LRRK1: variants seen among roughly 807,000 people sequenced by gnomAD.
The protein encoded by LRRK1 is leucine-rich repeat serine/threonine-protein kinase 1.
In LRRK1, 113 loss-of-function variants were observed where a neutral mutation model predicts 209.1. The ratio of observed to expected loss-of-function variants is 0.54; its 90% CI spans 0.46 to 0.63. The LOEUF (loss-of-function observed/expected upper bound fraction) is 0.63. Among genes scored for constraint, LRRK1 ranks in the 30% least tolerant of loss-of-function variants. The pLI, the probability that LRRK1 is intolerant of heterozygous loss-of-function variation, is 0.00. For synonymous variants in LRRK1, 1,144 were observed against 1,099.7 expected (o/e 1.04, Z -0.80); for missense variants, 2,284 against 2,632.2 (o/e 0.87, Z 2.89).
At position 101,048,578 on chromosome 15, in the gene LRRK1, A is replaced by G. The variant is rs2035216151; in HGVS notation, c.3220A>G (p.Ser1074Gly). ...SFTGNQRNRC[S>G]TFRVKRNQTI... The stretch of plus-strand genomic sequence containing the variant: ...TACAGGAAACCAGAGAAATCGCTGT[A>G]GCACATTCAGAGTGAAAAGAAATCA... Residue 1074 changes from serine to glycine, a missense_variant, in exon 22 of 34, where the codon AGC becomes GGC. Ser to Gly is a moderately conservative substitution (Grantham distance 56). Transcript: ENST00000388948. The G allele has an allele frequency of 3.2e-6, 5 of 1,584,418 alleles. No individual in the cohort carries two copies. The South Asian group carries it at 3.5e-5, about 11-fold the overall frequency.
In LRRK1 at chr15:101,028,979, G is replaced by A. The variant is rs2034162012; in HGVS notation, c.2710G>A (p.Gly904Ser). The change falls in exon 20 of 34, where the codon GGC becomes AGC. Residue 904 changes from glycine (G) to serine (S), a missense_variant. Around this residue, in one of 6 missense-constraint regions of LRRK1, gnomAD observed 780 missense variants for 985.2 expected, o/e 0.79. Coordinates refer to ENST00000388948, the MANE Select transcript of LRRK1 (RefSeq NM_024652.6). ...AGCCATCAGCTTCCTCATAGAAACC[G>A]GCACCCTGCTCCATTTCCCGGACAC... ...QSAISFLIET[G>S]TLLHFPDTSH... The A allele has an allele frequency of 1.9e-6, 3 of 1,613,916 alleles. No individual in the cohort carries two copies. Among genetic ancestry groups the A allele is most frequent in the Non-Finnish European group, 1.7e-6 (2 of 1,179,956 alleles).
intron 23 of LRRK1, 78 bp from the exon 24 acceptor site, chr15:101,051,633 T>TGGG: frequency 1.0e-5 from 16 of 1,529,676 alleles, no homozygotes; most frequent in Non-Finnish European, 1.4e-5. Flanking sequence ...CCTCAGGGCC[T>TGGG]GGGGTGCAGA....
At chr15:101,025,323 C>G (rs979795892) in intron 16 of LRRK1, among the ~76,000 whole-genome samples, 3 of 152,198 alleles carry the variant, frequency 2.0e-5, no homozygotes, top group Admixed American at 2.0e-4. Flanking sequence ...TCAGCACCCT[C>G]CGTGGAGGAG....
chr15:101,009,911 A>G (rs1277888462), intron 7 of LRRK1, among the ~76,000 whole-genome samples: 2 of 152,210 alleles, frequency 1.3e-5, no homozygotes, highest in Non-Finnish European at 2.9e-5. Context: ...ACATAACTGC[A>G]AGTCCTCATT....
rs1203249456 is a variant in LRRK1 at position 101,065,130 on chromosome 15, C to G, written c.4915-222C>G. ...GGCCCTGCCTCTGGGTGGCACATTC[C>G]TTTCTTTGCTGCAGGGATGGTAGAT... is the stretch of plus-strand genomic sequence containing the variant. On this transcript the variant is annotated intron_variant, in intron 31 of 33. Transcript: ENST00000388948. 3 of 595,652 alleles carry G rather than the reference C, an allele frequency of 5.0e-6. No homozygotes were observed. The Admixed American group carries it at 9.1e-5, about 18-fold the overall frequency. 36.9% of individuals were successfully genotyped at this position (595,652 alleles called of 1,614,324 possible).
rs1347587422 is a variant in LRRK1 at position 101,074,280 on chromosome 15, CT to C, written c.*5437del. 6.6e-6 allele frequency: 1 copy of C among 152,050 alleles called. No individual in the cohort carries two copies. The highest frequency in any genetic ancestry group is 1.5e-5 in the Non-Finnish European group (1 of 67,970). The allele number at this position is 152,050 out of a possible 1,614,324, so 9.4% of individuals were successfully genotyped here. On this transcript the variant is annotated 3_prime_UTR_variant, in exon 34 of 34. Transcript: ENST00000388948. ...AGCCTCCGCTCCTCCACCATATAATCTTTTTATCACCTCCCCTCCTCACACC... is the reference window on the plus strand; with the variant it reads ...AGCCTCCGCTCCTCCACCATATAATCTTTTATCACCTCCCCTCCTCACACC...
chr15:100,982,146 C>T (rs548093911), intron 3 of LRRK1, among the ~76,000 whole-genome samples: 2 of 152,264 alleles, frequency 1.3e-5, no homozygotes, highest in African/African-American at 4.8e-5. Context: ...ACTCGCCATC[C>T]CTGTCATCCT....
At chr15:100,955,582 C>T (rs2042736207) in intron 2 of LRRK1, among the ~76,000 whole-genome samples, 2 of 152,168 alleles carry the variant, frequency 1.3e-5, no homozygotes, top group Non-Finnish European at 2.9e-5. Context: ...GGAGAAAATG[C>T]TTTCAGCTTT....
chr15:100,973,853 A>C lies in LRRK1; in HGVS notation c.147A>C (p.Ala49=), dbSNP rs2141653486. 1.5e-6 allele frequency: 2 copies of C among 1,291,794 alleles called. No homozygotes were observed. The highest frequency in any genetic ancestry group is 2.0e-6 in the Non-Finnish European group (2 of 1,015,736). 80.0% of individuals were successfully genotyped at this position (1,291,794 alleles called of 1,614,324 possible). A position where few individuals can be genotyped will look rare whatever the true frequency, so the allele number is the denominator to read the frequency against. ...CGTCCACGCGGGGCGGTGACCCTGC[A>C]GCGCGGTCCCGCAGGACGGAAGGCA... ...GKPSTRGGDP[A]ARSRRTEGIR... The change falls in exon 3 of 34, where the codon GCA becomes GCC. Residue 49 remains alanine (A), a synonymous_variant. Coordinates refer to ENST00000388948, the MANE Select transcript of LRRK1 (RefSeq NM_024652.6).
intron 20 of LRRK1, among the ~76,000 whole-genome samples, chr15:101,044,314 T>G (rs1178632637): frequency 1.3e-5 from 2 of 152,216 alleles, no homozygotes; most frequent in Non-Finnish European, 2.9e-5. Context: ...TGAGAAGGGC[T>G]GCGGCCCCTG....
At chr15:100,961,649 C>CAAAA (rs10560323) in intron 2 of LRRK1, among the ~76,000 whole-genome samples, 1 of 142,788 alleles carries the variant, frequency 7.0e-6, no homozygotes. Context: ...GAGACTCCGT[C>CAAAA]AAAAAAAAAA....
At chr15:100,962,823 A>ATATACATATATATATATATATTT in intron 2 of LRRK1, among the ~76,000 whole-genome samples, 1 of 11,544 alleles carries the variant, frequency 8.7e-5, no homozygotes, top group African/African-American at 2.5e-4. Flanking sequence ...ATATATATAT[A>ATATACATATATATATATATATTT]TTTTTTTTTT....
At chr15:100,932,259 T>A (rs539493471) in intron 2 of LRRK1, among the ~76,000 whole-genome samples, 1 of 152,342 alleles carries the variant, frequency 6.6e-6, no homozygotes, top group Non-Finnish European at 1.5e-5. Flanking sequence ...GTGCTGAGAT[T>A]ACAGGCGTGA....
chr15:100,993,922 C>A (rs775830546), intron 6 of LRRK1, among the ~76,000 whole-genome samples: 4 of 152,060 alleles, frequency 2.6e-5, no homozygotes, highest in Non-Finnish European at 5.9e-5. Context: ...GGTTGGTTTT[C>A]TCAGTTATAA....
chr15:100,969,515 G>C (rs369478701), intron 2 of LRRK1, among the ~76,000 whole-genome samples: 9 of 151,898 alleles, frequency 5.9e-5, no homozygotes, highest in Admixed American at 3.3e-4. Flanking sequence ...TTCAAGTTCA[G>C]GGGTACATGA....
At position 101,075,153 on chromosome 15, in the gene LRRK1, G is replaced by A. The variant is rs2036938522; in HGVS notation, c.*6305G>A. On this transcript the variant is annotated 3_prime_UTR_variant, in exon 34 of 34. Transcript: ENST00000388948. The stretch of plus-strand genomic sequence containing the variant: ...ACTCCACATTACCTTCTTTTCAAGG[G>A]CCTGTTTCCCTTACCTCCATAACTG... 1 of 57,474 alleles carries A rather than the reference G, an allele frequency of 1.7e-5. No homozygotes were observed. The allele number at this position is 57,474 out of a possible 1,614,324, so 3.6% of individuals were successfully genotyped here.
intron 7 of LRRK1, 147 bp downstream of exon 7, chr15:101,009,210 A>G (rs2141692084): frequency 1.5e-6 from 1 of 660,542 alleles, no homozygotes; most frequent in Admixed American, 2.7e-5. Flanking sequence ...CCCTGAGGCA[A>G]GCCTCCCTTT....
intron 2 of LRRK1, among the ~76,000 whole-genome samples, chr15:100,971,781 G>C (rs4965753): frequency 0.7 from 106,914 of 151,890 alleles, 37,955 homozygotes; most frequent in Middle Eastern, 0.76. Context: ...TCCCTGCTCC[G>C]ACACTCACCC....
At position 101,027,446 on chromosome 15, in the gene LRRK1, TC is replaced by T; in HGVS notation, c.2526+70del. ...CTTCCCATTGTTGGGGGTCCTCACT[TC>T]CCCCTCTCTCCTGTGAAGCCCATGT... On this transcript the variant is annotated intron_variant, in intron 18 of 33. Coordinates refer to ENST00000388948, the MANE Select transcript of LRRK1 (RefSeq NM_024652.6). This position sits in a 1 kb window ranked among gnomAD's most constrained non-coding sequence, Gnocchi z 5.1. The T allele has an allele frequency of 6.4e-7, 1 of 1,574,458 alleles. No individual in the cohort carries two copies. Among genetic ancestry groups the T allele is most frequent in the Non-Finnish European group, 8.6e-7 (1 of 1,159,896 alleles).
Sources: allele counts gnomAD v4.1 joint callset (sites outside exome capture counted in the v4.1 genomes callset), GRCh38; gene constraint gnomAD v4.1.1; regional missense constraint gnomAD v4.1.1; non-coding constraint Gnocchi (gnomAD v3.1); transcripts MANE v1.5; gene names NCBI Gene and HGNC (gene_info 2026-07-23, HGNC 2026-07-21).